The following PTPRD variants were observed in gnomAD, a reference collection of about 807,000 sequenced individuals.
The protein encoded by PTPRD is protein tyrosine phosphatase receptor type D, also known as receptor-type tyrosine-protein phosphatase delta.
PTPRD carries 34 observed loss-of-function variants against 214.5 expected under a neutral mutation model. That is an observed-to-expected ratio of 0.16 (90% CI 0.12 to 0.21). PTPRD has a LOEUF of 0.21. Among genes scored for constraint, PTPRD ranks in the 10% least tolerant of loss-of-function variants. The pLI is 1.00. For missense variants in PTPRD, 2,545 were observed against 2,398.7 expected (o/e 1.06, Z -1.27); for synonymous variants, 1,128 against 845.7 (o/e 1.33, Z -5.79).
chr9:9,036,758 G>A (rs929519934), intron 10 of PTPRD, among the ~76,000 whole-genome samples: 1 of 152,032 alleles, frequency 6.6e-6, no homozygotes, highest in Non-Finnish European at 1.5e-5. Flanking sequence ...CTCCTCTCCT[G>A]TTTGTCCCCA....
chr9:8,995,467 G>A (rs925986945), intron 11 of PTPRD, among the ~76,000 whole-genome samples: 28 of 152,094 alleles, frequency 1.8e-4, no homozygotes, highest in African/African-American at 6.5e-4. Flanking sequence ...CTCTTCTTAT[G>A]GAGGTGTTTG....
intron 2 of PTPRD, among the ~76,000 whole-genome samples, chr9:10,596,448 G>C (rs1435808048): frequency 1.3e-5 from 2 of 151,452 alleles, no homozygotes; most frequent in Non-Finnish European, 3.0e-5. Context: ...AATTATGAAG[G>C]TATATTTTGT....
intron 9 of PTPRD, among the ~76,000 whole-genome samples, chr9:9,296,866 C>G (rs9299092): frequency 0.15 from 22,165 of 151,584 alleles, 2,074 homozygotes; most frequent in East Asian, 0.45. Flanking sequence ...AAAGCAAAGC[C>G]TAGACTAAGT....
Position 8,485,280 on chromosome 9 carries a change from C to T in PTPRD, c.3100G>A (p.Val1034Met), listed in dbSNP as rs1329600473. 3.1e-6 allele frequency: 5 copies of T among 1,614,076 alleles called. No individual in the cohort carries two copies. Among genetic ancestry groups the T allele is most frequent in the South Asian group, 1.1e-5 (1 of 91,064 alleles). ...FHVKAVMKTS[V>M]LLSWEIPENY... ...TCTGGAATCTCCCAAGACAGCAACA[C>T]GGAAGTCTTCATTACTGCTTTGACA... The change falls in exon 29 of 46, where the codon GTG becomes ATG. Residue 1034 changes from valine (V) to methionine (M), a missense_variant. Coordinates refer to ENST00000381196, the MANE Select transcript of PTPRD (RefSeq NM_002839.4).
rs533576030 is a variant in PTPRD, at chr9:8,388,342, T to C, written c.4386+890A>G. On this transcript the variant is annotated intron_variant, in intron 37 of 45. Coordinates refer to ENST00000381196, the MANE Select transcript of PTPRD (RefSeq NM_002839.4). ...CTAAATATCCTTTTTGAGACTACTA[T>C]AACCACAGTAAAAGAGGCCTCTCAC... Among the ~76,000 whole-genome samples, 10 of 152,316 alleles carry C rather than the reference T, an allele frequency of 6.6e-5. No individual in the cohort carries two copies. The South Asian group carries it at 1.7e-3, about 25-fold the overall frequency.
chr9:8,735,876 C>T (rs1234578246), intron 11 of PTPRD, among the ~76,000 whole-genome samples: 1 of 139,778 alleles, frequency 7.2e-6, no homozygotes, highest in Non-Finnish European at 1.5e-5. Context: ...CCTGCCACTG[C>T]ACTCCAGTCT....
intron 8 of PTPRD, among the ~76,000 whole-genome samples, chr9:9,449,767 C>A (rs1244683199): frequency 6.6e-6 from 1 of 151,668 alleles, no homozygotes; most frequent in African/African-American, 2.4e-5. Context: ...TTTGGGGGTA[C>A]AAGTGGTTTC....
intron 2 of PTPRD, among the ~76,000 whole-genome samples, chr9:10,602,689 TAGTTCACCACAAATAATTGTAATTAAA>T (rs2078279050): frequency 6.6e-6 from 1 of 151,878 alleles, no homozygotes; most frequent in African/African-American, 2.4e-5. Context: ...AGGTAATACA[TAGTTCACCACAAATAATTGTAATTAAA>T]ATGACTCTTA....
intron 5 of PTPRD, among the ~76,000 whole-genome samples, chr9:9,849,538 AATG>A (rs2060158566): frequency 6.6e-6 from 1 of 152,126 alleles, no homozygotes; most frequent in Non-Finnish European, 1.5e-5. Flanking sequence ...TTTTGAAAAG[AATG>A]ATGATGAGCC....
At chr9:8,353,086 G>A (rs1439009400) in intron 39 of PTPRD, among the ~76,000 whole-genome samples, 1 of 152,060 alleles carries the variant, frequency 6.6e-6, no homozygotes, top group African/African-American at 2.4e-5. Flanking sequence ...ACTCCAGCCT[G>A]GCGACAGAAC....
chr9:9,029,936 A>C (rs1590103735), intron 10 of PTPRD, among the ~76,000 whole-genome samples: 1 of 152,012 alleles, frequency 6.6e-6, no homozygotes, highest in African/African-American at 2.4e-5. Context: ...GCACGATTTC[A>C]GGTGGTGACT....
chr9:9,989,104 G>T (rs915382362), intron 4 of PTPRD, among the ~76,000 whole-genome samples: 1 of 147,182 alleles, frequency 6.8e-6, no homozygotes, highest in Non-Finnish European at 1.5e-5. Flanking sequence ...TATGTCCTCT[G>T]CCAAAATTAA....
intron 10 of PTPRD, among the ~76,000 whole-genome samples, chr9:9,045,474 A>G (rs1021783561): frequency 1.3e-5 from 2 of 152,122 alleles, no homozygotes; most frequent in African/African-American, 2.4e-5. Context: ...AAAGCTATTG[A>G]AGAGTAAGAC....
intron 14 of PTPRD, among the ~76,000 whole-genome samples, chr9:8,611,732 A>G (rs1564709501): frequency 6.7e-6 from 1 of 148,914 alleles, no homozygotes; most frequent in Non-Finnish European, 1.5e-5. Flanking sequence ...AAGACAAAAG[A>G]AAAAAGAAAA....
chr9:9,530,113 A>T (rs1202334143), intron 8 of PTPRD, among the ~76,000 whole-genome samples: 1 of 152,116 alleles, frequency 6.6e-6, no homozygotes, highest in African/African-American at 2.4e-5. Context: ...GCAAGAACAA[A>T]CCAAACTCAA....
intron 2 of PTPRD, among the ~76,000 whole-genome samples, chr9:10,595,317 G>C (rs930291747): frequency 6.6e-6 from 1 of 151,806 alleles, no homozygotes; most frequent in African/African-American, 2.4e-5. Context: ...AACTATAAAA[G>C]ATAATGAGGC....
rs868728165 is a variant in PTPRD at position 8,521,543 on chromosome 9, C to A, written c.695G>T (p.Arg232Leu). ...GATAGAGAATCTTGGTGGGACACGG[C>A]GAACTGGAACAAAACACAAGGGAAA... is the stretch of plus-strand genomic sequence containing the variant. ...NLYVRELREV[R>L]RVPPRFSIPP... is the part of the protein sequence containing the mutation. The change falls in exon 20 of 46, where the codon CGC becomes CTC. Residue 232 changes from arginine (R) to leucine (L), a missense_variant. Arg to Leu is a moderately radical substitution (Grantham distance 102, BLOSUM62 -2). Transcript: ENST00000381196. 1 of 1,612,346 alleles carries A rather than the reference C, an allele frequency of 6.2e-7. No individual in the cohort carries two copies. Among genetic ancestry groups the A allele is most frequent in the Non-Finnish European group, 8.5e-7 (1 of 1,179,094 alleles).
At chr9:9,578,045 CAAAAAAAAAAAAA>C (rs34128512) in intron 7 of PTPRD, among the ~76,000 whole-genome samples, 3 of 102,422 alleles carry the variant, frequency 2.9e-5, no homozygotes, top group Non-Finnish European at 5.6e-5. Context: ...GACTCTGTCT[CAAAAAAAAAAAAA>C]AAAAAAAAAA....
chr9:9,496,395 T>C (rs1421966514), intron 8 of PTPRD, among the ~76,000 whole-genome samples: 2 of 151,650 alleles, frequency 1.3e-5, no homozygotes, highest in East Asian at 3.9e-4. Context: ...AAAACCCAAG[T>C]CAAAAATGGC....
Sources: gnomAD v4.1 joint callset for allele counts (sites outside exome capture counted in the v4.1 genomes callset) on GRCh38, gnomAD v4.1.1 for gene constraint, MANE v1.5 for transcripts, NCBI Gene and HGNC (gene_info 2026-07-23, HGNC 2026-07-21) for gene names.